CNTN5: variants seen among roughly 807,000 people sequenced by gnomAD.
CNTN5 encodes contactin 5, also known as contactin-5.
Under a neutral mutation model 129.1 loss-of-function variants are expected in CNTN5, and 77 were observed. The ratio of observed to expected loss-of-function variants is 0.60; its 90% CI spans 0.50 to 0.72. The LOEUF (loss-of-function observed/expected upper bound fraction) is 0.72, where lower values mean the gene tolerates loss of function less well. CNTN5 is among the 30% of genes least tolerant of loss of function. The pLI is 0.00. For missense variants in CNTN5, 1,478 were observed against 1,328.8 expected, an observed-to-expected ratio of 1.11 and a Z score of -1.75; for synonymous variants, 509 against 465.6, an observed-to-expected ratio of 1.09 and a Z score of -1.20.
chr11:99,508,422 G>T (rs1022680380), intron 2 of CNTN5, among the ~76,000 whole-genome samples: 2 of 152,020 alleles, frequency 1.3e-5, no homozygotes, highest in Non-Finnish European at 2.9e-5. Context: ...ACAGAGGGCC[G>T]GCTTTTGGAT....
intron 9 of CNTN5, among the ~76,000 whole-genome samples, chr11:100,011,557 G>A (rs955737216): frequency 2.0e-5 from 3 of 152,076 alleles, no homozygotes; most frequent in African/African-American, 7.2e-5. Context: ...ATAATTATGT[G>A]AATGACCTTT....
intron 16 of CNTN5, among the ~76,000 whole-genome samples, chr11:100,226,961 T>C (rs1949387941): frequency 6.6e-6 from 1 of 152,036 alleles, no homozygotes; most frequent in African/African-American, 2.4e-5. Flanking sequence ...AGTTGAGCAT[T>C]CTAGATGGAG....
chr11:100,122,806 G>A (rs1329858209), intron 13 of CNTN5, among the ~76,000 whole-genome samples: 1 of 151,936 alleles, frequency 6.6e-6, no homozygotes, highest in Non-Finnish European at 1.5e-5. Flanking sequence ...AAAGTACTTT[G>A]GATTTTTTCC....
intron 1 of CNTN5, among the ~76,000 whole-genome samples, chr11:99,104,577 G>C (rs1440935711): frequency 1.3e-5 from 2 of 151,900 alleles, no homozygotes; most frequent in Admixed American, 1.3e-4. Flanking sequence ...AGTGATGGAT[G>C]TGTTAATTCA....
intron 8 of CNTN5, among the ~76,000 whole-genome samples, chr11:99,960,935 G>T (rs1950925070): frequency 6.6e-6 from 1 of 152,098 alleles, no homozygotes; most frequent in Non-Finnish European, 1.5e-5. Flanking sequence ...AGGCACCGTG[G>T]CTCATGCCTG....
chr11:99,525,539 G>A (rs895545961), intron 2 of CNTN5, among the ~76,000 whole-genome samples: 6 of 152,212 alleles, frequency 3.9e-5, no homozygotes, highest in Admixed American at 6.5e-5. Context: ...AGGATGATCT[G>A]GGGTAATTAA....
At chr11:99,197,463 A>G (rs759983471) in intron 1 of CNTN5, among the ~76,000 whole-genome samples, 4 of 152,104 alleles carry the variant, frequency 2.6e-5, no homozygotes, top group Admixed American at 6.5e-5. Flanking sequence ...TCCACATTAT[A>G]GAAATTCAAC....
intron 1 of CNTN5, among the ~76,000 whole-genome samples, chr11:99,279,810 A>G (rs2135884431): frequency 6.6e-6 from 1 of 151,780 alleles, no homozygotes; most frequent in African/African-American, 2.4e-5. Context: ...TGCCAATCAA[A>G]AGTAACGCAG....
chr11:100,265,710 C>G (rs1950289078), intron 17 of CNTN5, among the ~76,000 whole-genome samples: 1 of 152,092 alleles, frequency 6.6e-6, no homozygotes, highest in South Asian at 2.1e-4. Context: ...TCTAGCTGAG[C>G]ACATCTTGGA....
At chr11:99,479,519 A>T (rs1038683486) in intron 2 of CNTN5, among the ~76,000 whole-genome samples, 3 of 152,094 alleles carry the variant, frequency 2.0e-5, no homozygotes, top group Non-Finnish European at 4.4e-5. Flanking sequence ...CAAATTTTGA[A>T]GGTAGATGAA....
At chr11:99,651,323 A>G (rs629219) in intron 3 of CNTN5, among the ~76,000 whole-genome samples, 92,765 of 151,634 alleles carry the variant, frequency 0.61, 29,324 homozygotes, top group Admixed American at 0.7. Flanking sequence ...GAGAGTGCAG[A>G]AAGGGGAAAG....
chr11:99,370,341 T>G (rs1939748743), intron 2 of CNTN5, among the ~76,000 whole-genome samples: 1 of 152,200 alleles, frequency 6.6e-6, no homozygotes, highest in Non-Finnish European at 1.5e-5. Context: ...CATTCAAGGA[T>G]CGCAAGTTTT....
chr11:99,838,825 C>T (rs1167609144), intron 4 of CNTN5, among the ~76,000 whole-genome samples: 1 of 151,952 alleles, frequency 6.6e-6, no homozygotes, highest in Admixed American at 6.6e-5. Flanking sequence ...GAAAGTGTAC[C>T]CCAGAAGGAA....
At chr11:99,620,075 A>G (rs1175746595) in intron 3 of CNTN5, among the ~76,000 whole-genome samples, 2 of 151,148 alleles carry the variant, frequency 1.3e-5, no homozygotes, top group Admixed American at 1.3e-4. Flanking sequence ...GGCTCTAAGC[A>G]ATGTTAATCT....
intron 21 of CNTN5, chr11:100,337,419 A>G: frequency 1.3e-6 from 1 of 765,072 alleles, no homozygotes; most frequent in Non-Finnish European, 2.4e-6. Flanking sequence ...GGAAGAGTGA[A>G]GCAGCCTCCC....
At chr11:100,313,755 G>A (rs562762604) in intron 21 of CNTN5, among the ~76,000 whole-genome samples, 36 of 152,120 alleles carry the variant, frequency 2.4e-4, no homozygotes, top group Non-Finnish European at 4.7e-4. Context: ...CTGTGTCCTG[G>A]CACACTCAGC....
intron 1 of CNTN5, among the ~76,000 whole-genome samples, chr11:99,249,860 A>G (rs1862011592): frequency 6.6e-6 from 1 of 152,038 alleles, no homozygotes; most frequent in Non-Finnish European, 1.5e-5. Flanking sequence ...TATTAACTGT[A>G]GCTCCATAAA....
intron 1 of CNTN5, among the ~76,000 whole-genome samples, chr11:99,306,696 T>C (rs1024429566): frequency 3.3e-5 from 5 of 151,106 alleles, no homozygotes; most frequent in Admixed American, 6.6e-5. Context: ...ATCGTGCCAC[T>C]GCACTCCAGC....
chr11:100,345,012 T>C (rs946664808), intron 23 of CNTN5, among the ~76,000 whole-genome samples: 9 of 152,134 alleles, frequency 5.9e-5, no homozygotes, highest in African/African-American at 1.9e-4. Context: ...AAGTAAACTA[T>C]AGAAATAGCA....
Sources: gnomAD v4.1 joint callset for allele counts (sites outside exome capture counted in the v4.1 genomes callset) on GRCh38, gnomAD v4.1.1 for gene constraint, MANE v1.5 for transcripts, NCBI Gene and HGNC (gene_info 2026-07-23, HGNC 2026-07-21) for gene names.